KHDRBS2: variants seen among roughly 807,000 people sequenced by gnomAD.
KHDRBS2 encodes KH domain-containing, RNA-binding, signal transduction-associated protein 2.
In KHDRBS2, 26 loss-of-function variants were observed where a neutral mutation model predicts 44.3. That is an observed-to-expected ratio of 0.59 (90% CI 0.43 to 0.81). The LOEUF is 0.81. Among genes scored for constraint, KHDRBS2 ranks in the 40% least tolerant of loss-of-function variants. The pLI, the probability that KHDRBS2 is intolerant of heterozygous loss-of-function variation, is 0.00. For synonymous variants in KHDRBS2, 194 were observed against 151.1 expected (o/e 1.28, Z -2.08); for missense variants, 476 against 433.1 (o/e 1.10, Z -0.88).
At chr6:62,032,200 G>A (rs993607303) in intron 3 of KHDRBS2, among the ~76,000 whole-genome samples, 9 of 152,108 alleles carry the variant, frequency 5.9e-5, no homozygotes, top group African/African-American at 2.2e-4. Flanking sequence ...TCTTCTAGGT[G>A]TGACTGTTAG....
chr6:62,105,917 T>C (rs988748986), intron 2 of KHDRBS2, among the ~76,000 whole-genome samples: 7 of 152,192 alleles, frequency 4.6e-5, no homozygotes, highest in Non-Finnish European at 8.8e-5. Context: ...GGGCATTTAG[T>C]GCTATAAATT....
chr6:61,670,717 G>T, the KHDRBS2 span, among the ~76,000 whole-genome samples: 4 of 98,380 alleles, frequency 4.1e-5, no homozygotes, highest in African/African-American at 1.7e-4. Flanking sequence ...AATCAGAGAT[G>T]TTTGCTCATC....
At chr6:61,903,012 T>C (rs931708495) in intron 4 of KHDRBS2, among the ~76,000 whole-genome samples, 2 of 152,192 alleles carry the variant, frequency 1.3e-5, no homozygotes, top group Non-Finnish European at 2.9e-5. Context: ...ATAGTGATAA[T>C]AGCCTCAACA....
At chr6:62,028,062 T>C (rs1436620558) in intron 3 of KHDRBS2, among the ~76,000 whole-genome samples, 3 of 152,010 alleles carry the variant, frequency 2.0e-5, no homozygotes, top group Non-Finnish European at 2.9e-5. Flanking sequence ...TTCTGTGGGA[T>C]TGAGCCCTTA....
At chr6:61,777,033 C>G (rs1782159408) in intron 6 of KHDRBS2, among the ~76,000 whole-genome samples, 1 of 151,630 alleles carries the variant, frequency 6.6e-6, no homozygotes, top group African/African-American at 2.4e-5. Flanking sequence ...CAAACTATCA[C>G]AAGGACAAAA....
At chr6:62,137,698 T>C (rs1436912536) in intron 2 of KHDRBS2, among the ~76,000 whole-genome samples, 4 of 152,146 alleles carry the variant, frequency 2.6e-5, no homozygotes, top group South Asian at 4.1e-4. Flanking sequence ...GTTTTTTTCA[T>C]ACTCAAGTCT....
At chr6:62,277,622 G>A (rs1437001831) in intron 1 of KHDRBS2, among the ~76,000 whole-genome samples, 8 of 152,156 alleles carry the variant, frequency 5.3e-5, no homozygotes, top group African/African-American at 1.7e-4. Context: ...GATTACAAGC[G>A]TGAGCCACTG....
chr6:62,156,585 G>A (rs1164695195), intron 2 of KHDRBS2, among the ~76,000 whole-genome samples: 1 of 152,254 alleles, frequency 6.6e-6, no homozygotes, highest in East Asian at 1.9e-4. Context: ...AATGTTACTA[G>A]ATTTTTTGTT....
chr6:61,709,842 G>T (rs572789378), intron 7 of KHDRBS2, among the ~76,000 whole-genome samples: 1 of 151,554 alleles, frequency 6.6e-6, no homozygotes, highest in Non-Finnish European at 1.5e-5. Context: ...ACTATATCAC[G>T]TGTTTCTTTG....
At chr6:61,605,466 G>T in the KHDRBS2 span, among the ~76,000 whole-genome samples, 1 of 152,046 alleles carries the variant, frequency 6.6e-6, no homozygotes, top group Non-Finnish European at 1.5e-5. Context: ...ACCTCTTTGG[G>T]CACTCTCTAA....
chr6:61,561,623 AC>A, the KHDRBS2 span, among the ~76,000 whole-genome samples: 2 of 151,880 alleles, frequency 1.3e-5, no homozygotes, highest in Non-Finnish European at 2.9e-5. Context: ...CCCCATGGTC[AC>A]CCCCACAACA....
chr6:61,959,162 C>T (rs1051549615), intron 4 of KHDRBS2, among the ~76,000 whole-genome samples: 1 of 152,154 alleles, frequency 6.6e-6, no homozygotes, highest in Non-Finnish European at 1.5e-5. Context: ...GATAACATTG[C>T]CTTCTACTTC....
At position 62,159,734 on chromosome 6, in the gene KHDRBS2, A is replaced by G. The variant is rs371734772; in HGVS notation, c.219+17451T>C. 2.0e-4 allele frequency among the ~76,000 whole-genome samples: 31 copies of G among 152,318 alleles called. 1 individual carries two copies. In the South Asian group the frequency reaches 5.8e-3, roughly 28 times the overall value. ...ACATATTTTGTATGTTATATGTATT[A>G]TATACTGTATTACTACAATAAAGTA... On this transcript the variant is annotated intron_variant, in intron 2 of 8. Transcript: ENST00000281156.
chr6:62,240,672 G>GTATATATATACATA (rs1834486792), intron 1 of KHDRBS2, among the ~76,000 whole-genome samples: 1 of 64,164 alleles, frequency 1.6e-5, no homozygotes, highest in Non-Finnish European at 3.1e-5. Context: ...ATGTGTGTGT[G>GTATATATATACATA]TATATATATA....
At chr6:62,163,545 T>C (rs1235248176) in intron 2 of KHDRBS2, among the ~76,000 whole-genome samples, 1 of 152,066 alleles carries the variant, frequency 6.6e-6, no homozygotes, top group Admixed American at 6.6e-5. Context: ...ATGAGTAGTT[T>C]ATTTCTGCCT....
Position 62,007,796 on chromosome 6 carries a change from C to T in KHDRBS2, c.337-29584G>A, listed in dbSNP as rs536599835. Among the ~76,000 whole-genome samples the T allele has an allele frequency of 5.3e-5, 8 of 152,188 alleles. No homozygotes were observed. The South Asian group carries it at 1.5e-3, about 28-fold the overall frequency. Reference sequence around the variant, plus strand: ...TACCATAAGTCAAAAAAACCCCAAACCTGCTGCTTTATGTCTTCATATCTA... The same window carrying T: ...TACCATAAGTCAAAAAAACCCCAAATCTGCTGCTTTATGTCTTCATATCTA... On this transcript the variant is annotated intron_variant, in intron 3 of 8. Coordinates refer to ENST00000281156, the MANE Select transcript of KHDRBS2 (RefSeq NM_152688.4).
At chr6:62,132,255 G>GT (rs1810502306) in intron 2 of KHDRBS2, among the ~76,000 whole-genome samples, 1 of 152,168 alleles carries the variant, frequency 6.6e-6, no homozygotes, top group Admixed American at 6.6e-5. Flanking sequence ...TGTCAGCTAA[G>GT]TCATTCTTAA....
At chr6:61,588,471 T>C in the KHDRBS2 span, among the ~76,000 whole-genome samples, 1 of 152,160 alleles carries the variant, frequency 6.6e-6, no homozygotes, top group Non-Finnish European at 1.5e-5. Flanking sequence ...GATCACATGA[T>C]TTAAATTGGT....
intron 4 of KHDRBS2, among the ~76,000 whole-genome samples, chr6:61,949,134 C>T (rs1364657142): frequency 6.6e-6 from 1 of 152,074 alleles, no homozygotes; most frequent in African/African-American, 2.4e-5. Context: ...TGATTGTCAT[C>T]CTGTCCCACT....
Sources: allele counts gnomAD v4.1 joint callset (sites outside exome capture counted in the v4.1 genomes callset), GRCh38; gene constraint gnomAD v4.1.1; transcripts MANE v1.5; gene names NCBI Gene and HGNC (gene_info 2026-07-23, HGNC 2026-07-21).